SETX: variants seen among roughly 807,000 people sequenced by gnomAD.
The protein encoded by SETX is senataxin.
In SETX, 90 loss-of-function variants were observed where a neutral mutation model predicts 227.2. The ratio of observed to expected loss-of-function variants is 0.40; its 90% CI spans 0.33 to 0.47. The LOEUF is 0.47. Ranked by LOEUF, SETX falls within the 20% of genes least tolerant of loss-of-function variation. The probability of loss-of-function intolerance (pLI) is 0.91; values close to 1 mark genes in which losing one functional copy is unlikely to be tolerated. For synonymous variants in SETX, 1,210 were observed against 1,113.2 expected (o/e 1.09, Z -1.73); for missense variants, 3,052 against 3,181.5 (o/e 0.96, Z 0.98).
At chr9:132,314,087 T>G (rs1845826532) in intron 10 of SETX, among the ~76,000 whole-genome samples, 1 of 151,616 alleles carries the variant, frequency 6.6e-6, no homozygotes, top group Non-Finnish European at 1.5e-5. Context: ...TGCGCCACCA[T>G]GCCCAGCTCA....
At position 132,291,323 on chromosome 9, in the gene SETX, C is replaced by T. The variant is rs11243712; in HGVS notation, c.6107-2672G>A. Among the ~76,000 whole-genome samples, 3 of 151,974 alleles carry T rather than the reference C, an allele frequency of 2.0e-5. No homozygotes were observed. In the South Asian group the frequency reaches 6.2e-4, roughly 32 times the overall value. ...CTGCGACTACAGGCGCCCCCCACCA[C>T]GCCCAGCTAATTTTTTGTATTTTTA... On this transcript the variant is annotated intron_variant, in intron 15 of 25. Transcript: ENST00000224140.
In SETX at chr9:132,300,753, C is replaced by T; in HGVS notation, c.5425G>A (p.Asp1809Asn). 6.2e-7 allele frequency: 1 copy of T among 1,613,468 alleles called. No homozygotes were observed. The highest frequency in any genetic ancestry group is 8.5e-7 in the Non-Finnish European group (1 of 1,179,850). The change falls in exon 12 of 26, where the codon GAT (aspartate) becomes AAT (asparagine). Residue 1809 changes from aspartate (D) to asparagine (N), a missense_variant. Transcript: ENST00000224140. ...LAKQLYPKEN[D>N]LVFLAPERIN... is the part of the protein sequence containing the mutation. Reference sequence around the variant, plus strand: ...CTCTCAGGAGCTAAAAACACCAAATCGTTTTCCTTTGGATAAAGCTGTTTA... The same window carrying T: ...CTCTCAGGAGCTAAAAACACCAAATTGTTTTCCTTTGGATAAAGCTGTTTA...
chr9:132,314,432 C>A (rs1230381745), intron 10 of SETX, among the ~76,000 whole-genome samples: 2 of 152,048 alleles, frequency 1.3e-5, no homozygotes, highest in Non-Finnish European at 2.9e-5. Context: ...ACCATGCTGG[C>A]CAGCTGGTCT....
intron 23 of SETX, among the ~76,000 whole-genome samples, chr9:132,272,420 A>T (rs536247101): frequency 2.1e-3 from 320 of 151,442 alleles, no homozygotes; most frequent in Non-Finnish European, 2.1e-3. Flanking sequence ...AAATGTTAGG[A>T]TTATAGATGT....
intron 5 of SETX, among the ~76,000 whole-genome samples, chr9:132,341,407 T>C (rs1392564588): frequency 6.6e-6 from 1 of 152,062 alleles, no homozygotes; most frequent in Non-Finnish European, 1.5e-5. Context: ...GGGATTTGGT[T>C]TGCAAGCTCA....
At chr9:132,323,001 AATGAG>A (rs772776113) in intron 10 of SETX, among the ~76,000 whole-genome samples, 24 of 152,264 alleles carry the variant, frequency 1.6e-4, no homozygotes, top group Admixed American at 3.9e-4. Flanking sequence ...ACAAAAAGAA[AATGAG>A]ATGAAAGATA....
At chr9:132,297,955 T>A in intron 13 of SETX, 125 bp downstream of exon 13, 1 of 814,164 alleles carries the variant, frequency 1.2e-6, no homozygotes, top group Non-Finnish European at 2.0e-6. Flanking sequence ...TAAAGAAAAC[T>A]AACACTAAAC....
intron 11 of SETX, among the ~76,000 whole-genome samples, chr9:132,304,632 C>CAAA (rs34179466): frequency 0.064 from 6,643 of 104,484 alleles, 257 homozygotes; most frequent in East Asian, 0.26. Context: ...GACCCTGTTT[C>CAAA]AAAAAAAAAA....
intron 10 of SETX, among the ~76,000 whole-genome samples, chr9:132,326,112 G>A (rs1350400796): frequency 6.6e-6 from 1 of 151,744 alleles, no homozygotes; most frequent in Non-Finnish European, 1.5e-5. Context: ...CTGCCGCCCA[G>A]GTTGGAGTGC....
rs146862359 is a variant in SETX, at chr9:132,264,502, C to T, written c.7771G>A (p.Ala2591Thr). The change falls in exon 26 of 26, where the codon GCT (alanine) becomes ACT (threonine). Residue 2591 changes from alanine (A) to threonine (T), a missense_variant. Ala to Thr is a moderately conservative substitution (Grantham distance 58). This residue lies in a region of SETX where 294 missense variants were observed against 278.8 expected (regional missense o/e 1.05). Coordinates refer to ENST00000224140, the MANE Select transcript of SETX (RefSeq NM_015046.7). ...HQDLSHIQQP[A>T]AVVAALSSHK... ...CTGCTCAGAGCAGCCACTACAGCAG[C>T]GGGCTGCTGTATATGGCTCAGGTCC... 9.3e-5 allele frequency: 150 copies of T among 1,613,852 alleles called. No homozygotes were observed. The East Asian group carries it at 3.0e-3, about 33-fold the overall frequency.
rs773915697 is a variant in SETX, at chr9:132,329,530, T to C, written c.2068A>G (p.Lys690Glu). 1 of 1,613,098 alleles carries C rather than the reference T, an allele frequency of 6.2e-7. No individual in the cohort carries two copies. Among genetic ancestry groups the C allele is most frequent in the South Asian group, 1.1e-5 (1 of 91,066 alleles). Reference protein sequence around the residue: ...EDHLLAGSCLKQSSKNIFTER... With the variant: ...EDHLLAGSCLEQSSKNIFTER... Reference sequence around the variant, plus strand: ...GTAAAAATGTTTTTACTACTCTGCTTTAAGCATGACCCAGCTAAGAGATGG... The same window carrying C: ...GTAAAAATGTTTTTACTACTCTGCTCTAAGCATGACCCAGCTAAGAGATGG... The change falls in exon 10 of 26, where the codon AAG (lysine) becomes GAG (glutamate). Residue 690 changes from lysine to glutamate, a missense_variant. Coordinates refer to ENST00000224140, the MANE Select transcript of SETX (RefSeq NM_015046.7).
At chr9:132,275,158 CA>C (rs1843092715) in intron 23 of SETX, 97 bp downstream of exon 23, 1 of 1,353,528 alleles carries the variant, frequency 7.4e-7, no homozygotes, top group Non-Finnish European at 1.0e-6. Flanking sequence ...CCAATTTGCA[CA>C]GACCACTCCT....
rs763291448 is a variant in SETX, at chr9:132,334,812, AG to A, written c.719-86del. The stretch of plus-strand genomic sequence containing the variant: ...TTAGTTTGCAAAAGAATAACAAGGC[AG>A]GAAGATGAAGCAAGATAGTATTTAG... On this transcript the variant is annotated intron_variant, in intron 6 of 25. Coordinates refer to ENST00000224140, the MANE Select transcript of SETX (RefSeq NM_015046.7). 14 of 1,414,298 alleles carry A rather than the reference AG, an allele frequency of 9.9e-6. No individual in the cohort carries two copies. In the South Asian group the frequency reaches 1.4e-4, roughly 14 times the overall value. The allele number at this position is 1,414,298 out of a possible 1,614,324, so 87.6% of individuals were successfully genotyped here.
At chr9:132,285,196 G>GT (rs200002392) in intron 18 of SETX, among the ~76,000 whole-genome samples, 1,978 of 152,072 alleles carry the variant, frequency 0.013, 45 homozygotes, top group African/African-American at 0.044. Flanking sequence ...TTCATTAACT[G>GT]TTTATCTGAT....
chr9:132,270,248 A>T (rs1842838600), intron 24 of SETX, among the ~76,000 whole-genome samples: 1 of 151,232 alleles, frequency 6.6e-6, no homozygotes, highest in African/African-American at 2.4e-5. Flanking sequence ...TGCCCATGTG[A>T]GACACAGGTG....
chr9:132,276,904 T>C (rs1473581743), intron 22 of SETX, among the ~76,000 whole-genome samples, 156 bp downstream of exon 22: 1 of 152,126 alleles, frequency 6.6e-6, no homozygotes, highest in Non-Finnish European at 1.5e-5. Flanking sequence ...TTATCCCCAT[T>C]ATACAGAAAA....
chr9:132,312,388 T>A (rs900835554), intron 10 of SETX, among the ~76,000 whole-genome samples: 1 of 152,186 alleles, frequency 6.6e-6, no homozygotes, highest in Non-Finnish European at 1.5e-5. Context: ...TTCTGAGAAA[T>A]AAGACTATTC....
chr9:132,288,728 T>C, intron 15 of SETX, 77 bp from the exon 16 acceptor site: 3 of 953,594 alleles, frequency 3.1e-6, no homozygotes, highest in Middle Eastern at 2.9e-4. Flanking sequence ...GTATCTATAT[T>C]TCTAAGTAAA....
At chr9:132,279,147 T>G (rs1007309294) in intron 20 of SETX, among the ~76,000 whole-genome samples, 3 of 152,184 alleles carry the variant, frequency 2.0e-5, no homozygotes, top group Non-Finnish European at 4.4e-5. Context: ...AACCAAATAA[T>G]GGGTTATATT....
Sources: gnomAD v4.1 joint callset for allele counts (sites outside exome capture counted in the v4.1 genomes callset) on GRCh38, gnomAD v4.1.1 for gene constraint, gnomAD v4.1.1 regional missense constraint, MANE v1.5 for transcripts, NCBI Gene and HGNC (gene_info 2026-07-23, HGNC 2026-07-21) for gene names.